Variants in LRRC40 observed in about 807,000 individuals in gnomAD.
LRRC40 encodes the protein leucine rich repeat containing 40.
LRRC40 carries 76 observed loss-of-function variants against 72.8 expected under a neutral mutation model. That is an observed-to-expected ratio of 1.04 (90% CI 0.87 to 1.26). The LOEUF (loss-of-function observed/expected upper bound fraction) is 1.26, where lower values mean the gene tolerates loss of function less well. LRRC40 is among the 50% of genes most tolerant of loss of function. The pLI, the probability that LRRC40 is intolerant of heterozygous loss-of-function variation, is 0.00. For synonymous variants in LRRC40, 243 were observed against 254.2 expected, an observed-to-expected ratio of 0.96 and a Z score of 0.42; for missense variants, 684 against 698.9, an observed-to-expected ratio of 0.98 and a Z score of 0.24.
At chr1:70,148,997 T>C (rs1482184012) in intron 13 of LRRC40, among the ~76,000 whole-genome samples, 2 of 152,238 alleles carry the variant, frequency 1.3e-5, no homozygotes, top group East Asian at 1.9e-4. Context: ...CATGTAGGTA[T>C]TCTTCCTTTC....
intron 1 of LRRC40, among the ~76,000 whole-genome samples, chr1:70,200,159 T>C (rs1668704526): frequency 1.3e-5 from 2 of 152,300 alleles, no homozygotes; most frequent in South Asian, 4.1e-4. Context: ...AGTTTTGTTT[T>C]CCCAATGTAG....
At chr1:70,191,666 A>G (rs1668503340) in intron 1 of LRRC40, among the ~76,000 whole-genome samples, 1 of 152,098 alleles carries the variant, frequency 6.6e-6, no homozygotes. Context: ...GATTCATGTC[A>G]CTGTTGCAAC....
chr1:70,204,730 CTT>C (rs1491049794), intron 1 of LRRC40, among the ~76,000 whole-genome samples: 1 of 143,094 alleles, frequency 7.0e-6, no homozygotes. Context: ...CCCTCTCTCT[CTT>C]ACACACACAC....
intron 9 of LRRC40, among the ~76,000 whole-genome samples, chr1:70,170,711 G>A (rs1270952871): frequency 6.6e-6 from 1 of 152,218 alleles, no homozygotes; most frequent in East Asian, 1.9e-4. Context: ...ATTGTTTAAA[G>A]AGATTAAAGA....
intron 1 of LRRC40, 142 bp downstream of exon 1, chr1:70,205,248 G>A (rs1668907832): frequency 1.3e-6 from 1 of 754,792 alleles, no homozygotes; most frequent in Admixed American, 2.6e-5. Context: ...GTCGAAATGA[G>A]CACAGGGATT....
chr1:70,190,677 T>TAAAAAAAAAAAA lies in LRRC40; in HGVS notation c.152-1416_152-1405dup, dbSNP rs59341874. Among the ~76,000 whole-genome samples the TAAAAAAAAAAAA allele has an allele frequency of 3.5e-3, 188 of 54,314 alleles. 5 individuals are homozygous for TAAAAAAAAAAAA. Among genetic ancestry groups the TAAAAAAAAAAAA allele is most frequent in the Non-Finnish European group, 4.4e-3 (146 of 33,294 alleles). 35.6% of individuals were successfully genotyped at this position (54,314 alleles called of 152,430 possible). A position where few individuals can be genotyped will look rare whatever the true frequency, so the allele number is the denominator to read the frequency against. ...GGGAAACAGAGTGAGACCCTGTCTC[T>TAAAAAAAAAAAA]AAAAAAAAAAAAAAAAAAACTTAAA... is the stretch of plus-strand genomic sequence containing the variant. On this transcript the variant is annotated intron_variant, in intron 1 of 14. Coordinates refer to ENST00000370952, the MANE Select transcript of LRRC40 (RefSeq NM_017768.5).
chr1:70,175,318 C>A (rs917132901), intron 7 of LRRC40, among the ~76,000 whole-genome samples: 2 of 152,234 alleles, frequency 1.3e-5, no homozygotes, highest in African/African-American at 4.8e-5. Context: ...CCAGAAGCAT[C>A]AAATTCTAGG....
At chr1:70,163,078 T>C (rs1667798817) in intron 9 of LRRC40, among the ~76,000 whole-genome samples, 1 of 147,332 alleles carries the variant, frequency 6.8e-6, no homozygotes, top group Non-Finnish European at 1.5e-5. Flanking sequence ...CCTTTCCTTT[T>C]CTTTTTTTTT....
chr1:70,157,535 T>A (rs1358135262), intron 10 of LRRC40, among the ~76,000 whole-genome samples: 1 of 152,174 alleles, frequency 6.6e-6, no homozygotes. Flanking sequence ...AATACTACTT[T>A]ATAGATTGTC....
chr1:70,151,552 T>C (rs1263957342), intron 12 of LRRC40, among the ~76,000 whole-genome samples: 1 of 152,194 alleles, frequency 6.6e-6, no homozygotes, highest in East Asian at 1.9e-4. Flanking sequence ...AAATATTCCA[T>C]TGGTGTTAAT....
chr1:70,158,518 G>A (rs1295208183), intron 10 of LRRC40, among the ~76,000 whole-genome samples: 4 of 152,002 alleles, frequency 2.6e-5, no homozygotes, highest in Non-Finnish European at 5.9e-5. Flanking sequence ...GTACTGAAAG[G>A]ATACTTTACA....
Position 70,185,435 on chromosome 1 carries a change from T to C in LRRC40, c.408-521A>G, listed in dbSNP as rs886410484. 3.3e-5 allele frequency among the ~76,000 whole-genome samples: 5 copies of C among 152,312 alleles called. No individual in the cohort carries two copies. In the South Asian group the frequency reaches 8.3e-4, roughly 25 times the overall value. ...GATGGTTTTATCAGGGGTTTCCAAT[T>C]TTGCATCTTCCTCATTTTTCTCCTG... On this transcript the variant is annotated intron_variant, in intron 3 of 14. Coordinates refer to ENST00000370952, the MANE Select transcript of LRRC40 (RefSeq NM_017768.5).
At chr1:70,156,640 T>C (rs962750352) in intron 10 of LRRC40, among the ~76,000 whole-genome samples, 1 of 152,194 alleles carries the variant, frequency 6.6e-6, no homozygotes, top group Non-Finnish European at 1.5e-5. Context: ...GACTGAATCC[T>C]ATATAGTATA....
chr1:70,155,144 T>A (rs565610356), intron 11 of LRRC40, among the ~76,000 whole-genome samples: 1 of 146,142 alleles, frequency 6.8e-6, no homozygotes, highest in Admixed American at 6.8e-5. Context: ...CAACAAAAAA[T>A]GTATTTAACA....
At position 70,173,669 on chromosome 1, in the gene LRRC40, C is replaced by A; in HGVS notation, c.1018G>T (p.Ala340Ser). ...SLGNLHLKFLALEGNPLRTIR... is the reference protein window; with the variant it reads ...SLGNLHLKFLSLEGNPLRTIR... ...GTTCTCAAAGGATTTCCTTCTAATG[C>A]CAAAAATTTCAAATGAAGGTTCCCC... Residue 340 changes from alanine to serine, a missense_variant, in exon 8 of 15, where the codon GCA becomes TCA. Ala to Ser is a moderately conservative substitution (Grantham distance 99, BLOSUM62 1). Coordinates refer to ENST00000370952, the MANE Select transcript of LRRC40 (RefSeq NM_017768.5). 1 of 1,569,564 alleles carries A rather than the reference C, an allele frequency of 6.4e-7. No homozygotes were observed. The highest frequency in any genetic ancestry group is 1.8e-5 in the Admixed American group (1 of 56,138).
intron 1 of LRRC40, among the ~76,000 whole-genome samples, chr1:70,190,837 A>G (rs1428625092): frequency 6.6e-6 from 1 of 151,994 alleles, no homozygotes; most frequent in African/African-American, 2.4e-5. Context: ...ATTAGGTATT[A>G]ACAACACAGA....
intron 2 of LRRC40, among the ~76,000 whole-genome samples, chr1:70,188,365 T>G (rs1668413974): frequency 6.6e-6 from 1 of 152,064 alleles, no homozygotes; most frequent in Non-Finnish European, 1.5e-5. Flanking sequence ...GTTCAATAAT[T>G]TAACTCAATG....
At chr1:70,169,955 A>G (rs1667965946) in intron 9 of LRRC40, among the ~76,000 whole-genome samples, 1 of 152,166 alleles carries the variant, frequency 6.6e-6, no homozygotes, top group South Asian at 2.1e-4. Flanking sequence ...CACCCAAACC[A>G]GAAACAAAAA....
chr1:70,201,434 C>T (rs1020711881), intron 1 of LRRC40, among the ~76,000 whole-genome samples: 1 of 152,094 alleles, frequency 6.6e-6, no homozygotes, highest in Non-Finnish European at 1.5e-5. Flanking sequence ...ATTTAAGAAT[C>T]GCAACCAAAA....
Sources: gnomAD v4.1 joint callset for allele counts (sites outside exome capture counted in the v4.1 genomes callset) on GRCh38, gnomAD v4.1.1 for gene constraint, MANE v1.5 for transcripts, NCBI Gene and HGNC (gene_info 2026-07-23, HGNC 2026-07-21) for gene names.